Variants in DDX50 observed in about 807,000 individuals in gnomAD.
DDX50 encodes DExD-box helicase 50.
DDX50 carries 56 observed loss-of-function variants against 94.8 expected under a neutral mutation model. The ratio of observed to expected loss-of-function variants is 0.59; its 90% CI spans 0.48 to 0.74. DDX50 has a LOEUF of 0.74. Ranked by LOEUF, DDX50 falls within the 30% of genes least tolerant of loss-of-function variation. DDX50 has a pLI of 0.00. For missense variants in DDX50, 713 were observed against 881.2 expected (o/e 0.81, Z 2.42); for synonymous variants, 264 against 295.4 (o/e 0.89, Z 1.09).
chr10:68,940,664 C>T (rs181526686), intron 12 of DDX50, among the ~76,000 whole-genome samples: 5 of 152,010 alleles, frequency 3.3e-5, no homozygotes, highest in Admixed American at 2.0e-4. Context: ...GTGACCCTCC[C>T]GCCTCGGTTT....
intron 2 of DDX50, among the ~76,000 whole-genome samples, chr10:68,909,096 A>T (rs549325677): frequency 1.6e-4 from 25 of 152,132 alleles, no homozygotes; most frequent in Non-Finnish European, 3.2e-4. Context: ...AAAATGCTGG[A>T]ATTACAGGCA....
In DDX50 at chr10:68,933,483, A is replaced by T. The variant is rs188571451; in HGVS notation, c.1240-716A>T. Among the ~76,000 whole-genome samples, 458 of 152,294 alleles carry T rather than the reference A, an allele frequency of 3.0e-3. 3 individuals carry two copies. The highest frequency in any genetic ancestry group is 0.01 in the African/African-American group (432 of 41,554). On this transcript the variant is annotated intron_variant, in intron 8 of 14. Transcript: ENST00000373585. ...CATATGAATAAATTATATACAGTTT[A>T]AAAAAATTAAGTAGCATTTTATCTA...
Position 68,934,748 on chromosome 10 carries a change from T to C in DDX50, c.1402-51T>C. 6.5e-7 allele frequency: 1 copy of C among 1,538,602 alleles called. No homozygotes were observed. The highest frequency in any genetic ancestry group is 8.7e-7 in the Non-Finnish European group (1 of 1,148,560). On this transcript the variant is annotated intron_variant, in intron 9 of 14. Coordinates refer to ENST00000373585, the MANE Select transcript of DDX50 (RefSeq NM_024045.2). The surrounding 1 kb of genome is among the most constrained non-coding windows in gnomAD (Gnocchi z 4.0). ...TAACATTATTATTTGGATTCCGGAA[T>C]GACTGCAACTTGCTAGATTTTTAAA... is the stretch of plus-strand genomic sequence containing the variant.
intron 8 of DDX50, among the ~76,000 whole-genome samples, chr10:68,927,785 T>C (rs1589263031): frequency 6.6e-6 from 1 of 152,220 alleles, no homozygotes; most frequent in African/African-American, 2.4e-5. Context: ...ATAGTAGATA[T>C]ATTTTTAAAG....
chr10:68,927,383 T>C (rs7100910), intron 8 of DDX50, among the ~76,000 whole-genome samples: 21,232 of 152,214 alleles, frequency 0.14, 2,894 homozygotes, highest in African/African-American at 0.35. Context: ...CCAGTTTCTG[T>C]TGAGGTCTTT....
chr10:68,901,315 C>G lies in DDX50; in HGVS notation c.-70C>G, dbSNP rs985572877. On this transcript the variant is annotated 5_prime_UTR_variant, in exon 1 of 15. Coordinates refer to ENST00000373585, the MANE Select transcript of DDX50 (RefSeq NM_024045.2). ...CCGGGCGGCCGCCTTGCCCCCGCTT[C>G]CTTTCACGCTGTCGCTGCCCGTAGG... The G allele has an allele frequency of 7.0e-7, 1 of 1,432,448 alleles. No homozygotes were observed. 88.7% of individuals were successfully genotyped at this position (1,432,448 alleles called of 1,614,324 possible). A position where few individuals can be genotyped will look rare whatever the true frequency, so the allele number is the denominator to read the frequency against.
intron 4 of DDX50, among the ~76,000 whole-genome samples, chr10:68,912,132 T>G (rs900427707): frequency 6.6e-6 from 1 of 152,204 alleles, no homozygotes; most frequent in South Asian, 2.1e-4. Flanking sequence ...TGGAGAGTTA[T>G]GTTTTTCGGG....
chr10:68,942,022 A>G (rs1014898066), intron 13 of DDX50, among the ~76,000 whole-genome samples: 1 of 152,040 alleles, frequency 6.6e-6, no homozygotes, highest in Admixed American at 6.6e-5. Context: ...TCCTGAGCTC[A>G]AGGGATTCAC....
chr10:68,934,362 T>C lies in DDX50; in HGVS notation c.1401+2T>C, dbSNP rs771901959. The stretch of plus-strand genomic sequence containing the variant: ...GTGATTCAAAGTTCTCCTCCTCAGG[T>C]AGGAAATGGGATTTGATTTGGGAAA... On this transcript the variant is annotated splice_donor_variant, in intron 9 of 14. Coordinates refer to ENST00000373585, the MANE Select transcript of DDX50 (RefSeq NM_024045.2). LOFTEE classifies it high-confidence loss of function. This position sits in a 1 kb window ranked among gnomAD's most constrained non-coding sequence, Gnocchi z 4.0. 6.2e-7 allele frequency: 1 copy of C among 1,613,174 alleles called. No individual in the cohort carries two copies. The highest frequency in any genetic ancestry group is 8.5e-7 in the Non-Finnish European group (1 of 1,179,726).
intron 4 of DDX50, chr10:68,911,818 A>G (rs1338382747): frequency 6.6e-6 from 1 of 152,190 alleles, no homozygotes; most frequent in African/African-American, 2.4e-5. Context: ...TTTATATATT[A>G]TTGGGGTACT....
chr10:68,921,194 T>C (rs976437507), intron 8 of DDX50, among the ~76,000 whole-genome samples: 1 of 150,436 alleles, frequency 6.6e-6, no homozygotes, highest in East Asian at 2.0e-4. Flanking sequence ...AAAAAAAAAA[T>C]AACAATACTG....
intron 1 of DDX50, among the ~76,000 whole-genome samples, chr10:68,902,016 A>G: frequency 6.6e-6 from 1 of 152,094 alleles, no homozygotes; most frequent in East Asian, 1.9e-4. Context: ...CATTATTAAT[A>G]GCCTTTACTG....
intron 7 of DDX50, 124 bp from the exon 8 acceptor site, chr10:68,919,708 G>T (rs1459139171): frequency 1.7e-6 from 2 of 1,154,758 alleles, no homozygotes; most frequent in East Asian, 5.2e-5. Flanking sequence ...TGCTGTTGAG[G>T]AGAGTCTTTG....
intron 4 of DDX50, 113 bp downstream of exon 4, chr10:68,911,359 A>G (rs926097795): frequency 6.1e-6 from 7 of 1,155,044 alleles, no homozygotes; most frequent in African/African-American, 1.6e-5. Flanking sequence ...GCGCTGTGGC[A>G]TAAAACAAAA....
chr10:68,928,282 C>T (rs923469425), intron 8 of DDX50, among the ~76,000 whole-genome samples: 6 of 152,084 alleles, frequency 3.9e-5, no homozygotes, highest in Non-Finnish European at 7.4e-5. Flanking sequence ...TGCCACTGCA[C>T]TCCACCCTGG....
intron 1 of DDX50, among the ~76,000 whole-genome samples, chr10:68,905,563 G>A (rs533970898): frequency 1.3e-5 from 2 of 152,288 alleles, no homozygotes; most frequent in South Asian, 4.1e-4. Context: ...AATCCCACAT[G>A]TGGATCTTTG....
At position 68,913,569 on chromosome 10, in the gene DDX50, C is replaced by G. The variant is rs866754150; in HGVS notation, c.936C>G (p.Tyr312Ter). ...EQVEDIIHES[Y>*]KTDSEDNPQT... ...TTGAAGATATTATTCATGAATCCTA[C>G]AAAACTGGTATATCCTAATTCAAAA... The change falls in exon 6 of 15, where the codon TAC (tyrosine) becomes TAG (stop). Residue 312 changes from tyrosine to a stop codon, truncating the protein, a stop_gained. Transcript: ENST00000373585. LOFTEE classifies it high-confidence loss of function. 2 of 1,611,562 alleles carry G rather than the reference C, an allele frequency of 1.2e-6. No individual in the cohort carries two copies. The highest frequency in any genetic ancestry group is 1.7e-6 in the Non-Finnish European group (2 of 1,178,894).
intron 7 of DDX50, among the ~76,000 whole-genome samples, chr10:68,919,365 T>A (rs1841885733): frequency 6.6e-6 from 1 of 152,216 alleles, no homozygotes; most frequent in African/African-American, 2.4e-5. Context: ...AACCCAAACC[T>A]TTATCATCAT....
chr10:68,907,714 C>A (rs1841500072), intron 2 of DDX50, among the ~76,000 whole-genome samples: 3 of 150,456 alleles, frequency 2.0e-5, no homozygotes, highest in Non-Finnish European at 4.4e-5. Context: ...AGTGTTGAAT[C>A]CTTGTGTTAT....
Sources: allele counts gnomAD v4.1 joint callset (sites outside exome capture counted in the v4.1 genomes callset), GRCh38; gene constraint gnomAD v4.1.1; non-coding constraint Gnocchi (gnomAD v3.1); transcripts MANE v1.5; gene names NCBI Gene and HGNC (gene_info 2026-07-23, HGNC 2026-07-21).